RCSD1: variants seen among roughly 807,000 people sequenced by gnomAD.
RCSD1 encodes the protein capZ-interacting protein.
A neutral mutation model predicts 42.5 loss-of-function variants in RCSD1; 26 were observed. The observed-to-expected ratio is 0.61, with a 90% CI of 0.45 to 0.85. The LOEUF is 0.85. Ranked by LOEUF, RCSD1 falls within the 40% of genes least tolerant of loss-of-function variation. The pLI is 0.00. For missense variants in RCSD1, 571 were observed against 528.3 expected (o/e 1.08, Z -0.79); for synonymous variants, 220 against 212.2 (o/e 1.04, Z -0.32).
intron 1 of RCSD1, among the ~76,000 whole-genome samples, chr1:167,639,134 G>A (rs1172873010): frequency 3.9e-5 from 6 of 152,098 alleles, no homozygotes; most frequent in East Asian, 1.9e-4. Flanking sequence ...GGAGAATGGC[G>A]TGAACCCGGG....
chr1:167,698,724 G>A (rs760776938), intron 6 of RCSD1, among the ~76,000 whole-genome samples: 1 of 152,044 alleles, frequency 6.6e-6, no homozygotes, highest in Non-Finnish European at 1.5e-5. Flanking sequence ...TCATTCATGC[G>A]TTCATTTACT....
intron 1 of RCSD1, among the ~76,000 whole-genome samples, chr1:167,671,234 G>A (rs1331860298): frequency 3.9e-5 from 6 of 152,092 alleles, no homozygotes; most frequent in African/African-American, 1.4e-4. Context: ...TCTAAATGTG[G>A]GCTATGCTCT....
In RCSD1 at chr1:167,705,194, A is replaced by G. The variant is rs1659730174; in HGVS notation, c.*498A>G. ...ACTAATTTTAGGTGGCCATAAACAT[A>G]AAATAGAAACCCTGTAAGTTACAGA... On this transcript the variant is annotated 3_prime_UTR_variant, in exon 7 of 7. Coordinates refer to ENST00000367854, the MANE Select transcript of RCSD1 (RefSeq NM_052862.4). 1 of 153,208 alleles carries G rather than the reference A, an allele frequency of 6.5e-6. No homozygotes were observed. The highest frequency in any genetic ancestry group is 2.4e-5 in the African/African-American group (1 of 41,454). 9.5% of individuals were successfully genotyped at this position (153,208 alleles called of 1,614,324 possible).
At chr1:167,670,437 T>A (rs1455826985) in intron 1 of RCSD1, among the ~76,000 whole-genome samples, 1 of 151,094 alleles carries the variant, frequency 6.6e-6, no homozygotes, top group Non-Finnish European at 1.5e-5. Flanking sequence ...GCTCTGCCCC[T>A]GCATGCCTGC....
chr1:167,666,550 C>T (rs1658662814), intron 1 of RCSD1, among the ~76,000 whole-genome samples: 1 of 152,162 alleles, frequency 6.6e-6, no homozygotes, highest in Non-Finnish European at 1.5e-5. Context: ...CTTGCCACTC[C>T]CCACACACAG....
chr1:167,700,139 A>G (rs183206796), intron 6 of RCSD1, among the ~76,000 whole-genome samples: 80 of 152,346 alleles, frequency 5.3e-4, no homozygotes, highest in Non-Finnish European at 5.3e-4. Flanking sequence ...TTAAAAGAAG[A>G]CAGAAAATTG....
At chr1:167,645,801 A>G (rs1018085783) in intron 1 of RCSD1, among the ~76,000 whole-genome samples, 31 of 152,088 alleles carry the variant, frequency 2.0e-4, no homozygotes, top group Admixed American at 1.8e-3. Context: ...GGGTGGGTAA[A>G]CACTGTTGGA....
intron 1 of RCSD1, among the ~76,000 whole-genome samples, chr1:167,665,496 AG>A (rs1413972790): frequency 1.7e-4 from 26 of 152,344 alleles, no homozygotes; most frequent in Admixed American, 1.6e-3. Context: ...GATTGTTGGT[AG>A]GTGTAGTGTA....
intron 1 of RCSD1, among the ~76,000 whole-genome samples, chr1:167,663,065 T>C (rs1658574811): frequency 1.3e-5 from 2 of 152,214 alleles, no homozygotes; most frequent in Non-Finnish European, 2.9e-5. Flanking sequence ...CTCCTCTGAC[T>C]GCTGGGTCAG....
intron 4 of RCSD1, among the ~76,000 whole-genome samples, chr1:167,691,723 G>A (rs962145404): frequency 6.6e-6 from 1 of 152,218 alleles, no homozygotes; most frequent in Non-Finnish European, 1.5e-5. Context: ...AGCATCTCTG[G>A]TTTCTGGCCA....
chr1:167,639,626 G>A (rs1005328774), intron 1 of RCSD1, among the ~76,000 whole-genome samples: 2 of 152,142 alleles, frequency 1.3e-5, no homozygotes, highest in Non-Finnish European at 2.9e-5. Flanking sequence ...CCAAGTAGCT[G>A]GTATTACAGG....
rs1286158284 is a variant in RCSD1 at position 167,705,140 on chromosome 1, T to C, written c.*444T>C. On this transcript the variant is annotated 3_prime_UTR_variant, in exon 7 of 7. Transcript: ENST00000367854. ...AAAGTTCCTTTTTAATGTTCTAAAG[T>C]GTTTACGGTTCTCAAATATCAGTTA... 4 of 154,486 alleles carry C rather than the reference T, an allele frequency of 2.6e-5. No homozygotes were observed. Among genetic ancestry groups the C allele is most frequent in the African/African-American group, 7.2e-5 (3 of 41,478 alleles). The allele number at this position is 154,486 out of a possible 1,614,324, so 9.6% of individuals were successfully genotyped here. A position where few individuals can be genotyped will look rare whatever the true frequency, so the allele number is the denominator to read the frequency against.
intron 1 of RCSD1, among the ~76,000 whole-genome samples, chr1:167,635,736 C>T (rs1483447951): frequency 1.3e-5 from 2 of 152,200 alleles, no homozygotes; most frequent in African/African-American, 4.8e-5. Context: ...CTAAAAATCT[C>T]AGAGCTCTGG....
chr1:167,668,054 G>A (rs1267325310), intron 1 of RCSD1, among the ~76,000 whole-genome samples: 1 of 152,108 alleles, frequency 6.6e-6, no homozygotes, highest in Non-Finnish European at 1.5e-5. Context: ...ACTTTAGGAG[G>A]CCAAGGCGGA....
At chr1:167,680,474 G>GTTTT in intron 1 of RCSD1, among the ~76,000 whole-genome samples, 1 of 152,040 alleles carries the variant, frequency 6.6e-6, no homozygotes, top group East Asian at 1.9e-4. Flanking sequence ...TTTTGTTTTT[G>GTTTT]TTTTTGTTTT....
intron 1 of RCSD1, among the ~76,000 whole-genome samples, chr1:167,673,263 C>A (rs1658856856): frequency 6.6e-6 from 1 of 152,236 alleles, no homozygotes; most frequent in Non-Finnish European, 1.5e-5. Flanking sequence ...AGAGTAGCAG[C>A]AGATTCCCTC....
intron 1 of RCSD1, among the ~76,000 whole-genome samples, chr1:167,637,240 G>C (rs957409261): frequency 6.6e-6 from 1 of 152,156 alleles, no homozygotes; most frequent in Non-Finnish European, 1.5e-5. Context: ...GGTGTGCATG[G>C]GAAATAATAA....
intron 1 of RCSD1, 129 bp downstream of exon 1, chr1:167,630,558 A>G: frequency 4.8e-6 from 5 of 1,031,260 alleles, no homozygotes; most frequent in South Asian, 4.9e-5. Context: ...TAGAAGGGCA[A>G]ATGCCTGCTG....
chr1:167,646,176 G>T (rs144983847), intron 1 of RCSD1, among the ~76,000 whole-genome samples: 10 of 152,234 alleles, frequency 6.6e-5, no homozygotes, highest in Non-Finnish European at 1.5e-4. Context: ...TTGGGGGTGC[G>T]GAAGAGGCTG....
Sources: allele counts gnomAD v4.1 joint callset (sites outside exome capture counted in the v4.1 genomes callset), GRCh38; gene constraint gnomAD v4.1.1; transcripts MANE v1.5; gene names NCBI Gene and HGNC (gene_info 2026-07-23, HGNC 2026-07-21).